RBMS1: variants seen among roughly 807,000 people sequenced by gnomAD.
The protein encoded by RBMS1 is RNA binding motif single stranded interacting protein 1, also known as RNA-binding motif, single-stranded-interacting protein 1.
Under a neutral mutation model 62.3 loss-of-function variants are expected in RBMS1, and 17 were observed. That is an observed-to-expected ratio of 0.27 (90% CI 0.19 to 0.41). RBMS1 has a LOEUF of 0.41. Ranked by LOEUF, RBMS1 falls within the 10% of genes least tolerant of loss-of-function variation. RBMS1 has a pLI of 1.00. For missense variants in RBMS1, 334 were observed against 504.5 expected, an observed-to-expected ratio of 0.66 and a Z score of 3.24; for synonymous variants, 172 against 170.0, an observed-to-expected ratio of 1.01 and a Z score of -0.09.
chr2:160,357,930 C>A (rs1396860484), intron 2 of RBMS1, among the ~76,000 whole-genome samples: 1 of 152,122 alleles, frequency 6.6e-6, no homozygotes, highest in Non-Finnish European at 1.5e-5. Context: ...AAAATTATTT[C>A]TGTGAAATCT....
chr2:160,413,075 G>A (rs1696092858), intron 1 of RBMS1, among the ~76,000 whole-genome samples: 1 of 152,186 alleles, frequency 6.6e-6, no homozygotes, highest in Admixed American at 6.5e-5. Context: ...CCTCTATCAA[G>A]AAAAGAACTG....
chr2:160,323,898 T>C (rs1690736741), intron 2 of RBMS1, among the ~76,000 whole-genome samples: 1 of 152,252 alleles, frequency 6.6e-6, no homozygotes, highest in Non-Finnish European at 1.5e-5. Flanking sequence ...ACTTAGAATT[T>C]ACTAAAACTT....
Position 160,493,677 on chromosome 2 carries a change from C to T in RBMS1, c.-314G>A. 4.6e-6 allele frequency: 2 copies of T among 437,654 alleles called. No homozygotes were observed. The highest frequency in any genetic ancestry group is 8.3e-6 in the Non-Finnish European group (2 of 239,778). 27.1% of individuals were successfully genotyped at this position (437,654 alleles called of 1,614,324 possible). On this transcript the variant is annotated 5_prime_UTR_variant, in exon 1 of 14. Coordinates refer to ENST00000348849, the MANE Select transcript of RBMS1 (RefSeq NM_016836.4). ...GGAGTTTCCTCCCGGAGCCCGACTG[C>T]TCCGGGGCTGCCAAGGGCTGGCGCG...
intron 1 of RBMS1, among the ~76,000 whole-genome samples, chr2:160,386,007 A>G (rs933153804): frequency 7.2e-5 from 11 of 152,220 alleles, no homozygotes; most frequent in African/African-American, 2.7e-4. Context: ...TCAAAAAGCC[A>G]AACTGAAAGA....
rs549745259 is a variant in RBMS1 at position 160,272,932 on chromosome 2, A to G, written c.*1840T>C. 6.6e-6 allele frequency: 1 copy of G among 152,338 alleles called. No homozygotes were observed. Among genetic ancestry groups the G allele is most frequent in the South Asian group, 2.1e-4 (1 of 4,828 alleles). The allele number at this position is 152,338 out of a possible 1,614,324, so 9.4% of individuals were successfully genotyped here. ...TTGAAAGAAATAACTGCTTAGCCCTAGCTCCTGAGCTAGGAGGATTTGGTC... is the reference window on the plus strand; with the variant it reads ...TTGAAAGAAATAACTGCTTAGCCCTGGCTCCTGAGCTAGGAGGATTTGGTC... On this transcript the variant is annotated 3_prime_UTR_variant, in exon 14 of 14. Coordinates refer to ENST00000348849, the MANE Select transcript of RBMS1 (RefSeq NM_016836.4).
intron 1 of RBMS1, among the ~76,000 whole-genome samples, chr2:160,435,186 G>A (rs1472432085): frequency 6.6e-6 from 1 of 152,170 alleles, no homozygotes; most frequent in African/African-American, 2.4e-5. Flanking sequence ...ATAACCTACT[G>A]GATATACACT....
intron 1 of RBMS1, among the ~76,000 whole-genome samples, chr2:160,471,717 A>ATATATATATATATATATATATATAT (rs1422014155): frequency 4.3e-4 from 23 of 53,952 alleles, no homozygotes; most frequent in East Asian, 1.1e-3. Context: ...ATATATATAT[A>ATATATATATATATATATATATATAT]ACCTTTCATA....
In RBMS1 at chr2:160,493,570, T is replaced by TC. The variant is rs1574130179; in HGVS notation, c.-208dup. 1.7e-4 allele frequency: 99 copies of TC among 584,278 alleles called. No individual in the cohort carries two copies. The highest frequency in any genetic ancestry group is 1.2e-3 in the South Asian group (61 of 52,176). The allele number at this position is 584,278 out of a possible 1,614,324, so 36.2% of individuals were successfully genotyped here. A position where few individuals can be genotyped will look rare whatever the true frequency, so the allele number is the denominator to read the frequency against. ...CTCCTCCTCCTCCTCCTCCTCCTCC[T>TC]CTTCCTCCTCCTCCTCCTCCTCCCA... is the stretch of plus-strand genomic sequence containing the variant. On this transcript the variant is annotated 5_prime_UTR_variant, in exon 1 of 14. Transcript: ENST00000348849.
intron 1 of RBMS1, among the ~76,000 whole-genome samples, chr2:160,469,299 A>G (rs1175300742): frequency 6.6e-6 from 1 of 152,196 alleles, no homozygotes; most frequent in African/African-American, 2.4e-5. Context: ...AACTCAAACC[A>G]GCGTCCTGTC....
chr2:160,426,190 G>A (rs1187594107), intron 1 of RBMS1, among the ~76,000 whole-genome samples: 1 of 144,702 alleles, frequency 6.9e-6, no homozygotes, highest in Non-Finnish European at 1.5e-5. Context: ...GTGTCCAAAC[G>A]AAAGAAAGGA....
At chr2:160,334,890 A>G (rs1038254775) in intron 2 of RBMS1, among the ~76,000 whole-genome samples, 2 of 152,102 alleles carry the variant, frequency 1.3e-5, no homozygotes, top group East Asian at 3.9e-4. Context: ...AGTTTTTGAG[A>G]CAAACACTTA....
chr2:160,493,195 G>C, intron 1 of RBMS1, 94 bp downstream of exon 1: 1 of 1,226,298 alleles, frequency 8.2e-7, no homozygotes, highest in Non-Finnish European at 1.2e-6. Context: ...GGCGGTGGCG[G>C]GGGTTCGCCG....
intron 1 of RBMS1, among the ~76,000 whole-genome samples, chr2:160,399,582 T>C (rs1695331971): frequency 6.6e-6 from 1 of 152,198 alleles, no homozygotes; most frequent in African/African-American, 2.4e-5. Context: ...ACTCAATGTT[T>C]CTGAGCCCCT....
chr2:160,416,765 A>G (rs1236981136), intron 1 of RBMS1, among the ~76,000 whole-genome samples: 9 of 152,194 alleles, frequency 5.9e-5, no homozygotes, highest in Admixed American at 4.6e-4. Context: ...TAAATCTTTC[A>G]GTAATTGAAT....
rs1382938671 is a variant in RBMS1, at chr2:160,311,214, A to ATCTCTC, written c.402+1941_402+1942insGAGAGA. Reference sequence around the variant, plus strand: ...TGTCTCCAAAAAAAAAAAAAAATCTATCTATCTATCTATCTATCTATATAT... The same window carrying ATCTCTC: ...TGTCTCCAAAAAAAAAAAAAAATCTATCTCTCTCTATCTATCTATCTATCTATATAT... On this transcript the variant is annotated intron_variant, in intron 4 of 13. Transcript: ENST00000348849. Among the ~76,000 whole-genome samples, 184 of 60,238 alleles carry ATCTCTC rather than the reference A, an allele frequency of 3.1e-3. 2 individuals are homozygous for ATCTCTC. Among genetic ancestry groups the ATCTCTC allele is most frequent in the Middle Eastern group, 0.011 (1 of 88 alleles). 39.5% of individuals were successfully genotyped at this position (60,238 alleles called of 152,430 possible).
intron 1 of RBMS1, among the ~76,000 whole-genome samples, chr2:160,482,458 C>T (rs1391194666): frequency 6.6e-6 from 1 of 152,164 alleles, no homozygotes; most frequent in Non-Finnish European, 1.5e-5. Flanking sequence ...TGTGATGATG[C>T]ACACTATGTT....
rs531031589 is a variant in RBMS1 at position 160,439,837 on chromosome 2, G to A, written c.75+53452C>T. Among the ~76,000 whole-genome samples, 24 of 152,290 alleles carry A rather than the reference G, an allele frequency of 1.6e-4. No homozygotes were observed. The East Asian group carries it at 2.1e-3, about 13-fold the overall frequency. The stretch of plus-strand genomic sequence containing the variant: ...GGAGGCCGAGGCTGGCGGATCACTC[G>A]CGGTTAGGAGCTGGAGACCAGCCCG... On this transcript the variant is annotated intron_variant, in intron 1 of 13. Transcript: ENST00000348849.
chr2:160,394,741 T>C (rs1288160077), intron 1 of RBMS1, among the ~76,000 whole-genome samples: 1 of 152,238 alleles, frequency 6.6e-6, no homozygotes, highest in Non-Finnish European at 1.5e-5. Flanking sequence ...TCTGAAGTTC[T>C]ATCAATGATT....
At chr2:160,421,144 CTTTTTTT>C (rs913881647) in intron 1 of RBMS1, among the ~76,000 whole-genome samples, 2 of 147,168 alleles carry the variant, frequency 1.4e-5, no homozygotes, top group African/African-American at 5.0e-5. Flanking sequence ...ATTCTTTTTT[CTTTTTTT>C]TTTTATTATT....
Sources: allele counts gnomAD v4.1 joint callset (sites outside exome capture counted in the v4.1 genomes callset), GRCh38; gene constraint gnomAD v4.1.1; transcripts MANE v1.5; gene names NCBI Gene and HGNC (gene_info 2026-07-23, HGNC 2026-07-21).